Variants in LRRC4C observed in about 807,000 individuals in gnomAD.
LRRC4C encodes leucine rich repeat containing 4C, also known as leucine-rich repeat-containing protein 4C.
In LRRC4C, 5 loss-of-function variants were observed where a neutral mutation model predicts 33.6. The observed-to-expected ratio is 0.15, with a 90% CI of 0.08 to 0.31. The LOEUF (loss-of-function observed/expected upper bound fraction) is 0.31, where lower values mean the gene tolerates loss of function less well. LRRC4C is among the 10% of genes least tolerant of loss of function. The pLI is 1.00. For synonymous variants in LRRC4C, 329 were observed against 302.0 expected, an observed-to-expected ratio of 1.09 and a Z score of -0.93; for missense variants, 560 against 796.7, an observed-to-expected ratio of 0.70 and a Z score of 3.58.
chr11:40,285,875 G>T (rs7120734), intron 4 of LRRC4C, among the ~76,000 whole-genome samples: 4,737 of 152,174 alleles, frequency 0.031, 88 homozygotes, highest in South Asian at 0.08. Context: ...CAGCAGATAC[G>T]CAGTTCCTAT....
At chr11:41,130,755 A>G (rs1419136602) in intron 1 of LRRC4C, among the ~76,000 whole-genome samples, 1 of 151,960 alleles carries the variant, frequency 6.6e-6, no homozygotes, top group Non-Finnish European at 1.5e-5. Flanking sequence ...ATTTTTTGCA[A>G]TATTAGAGTA....
intron 5 of LRRC4C, among the ~76,000 whole-genome samples, chr11:40,160,368 G>A (rs1419723035): frequency 4.6e-5 from 7 of 152,004 alleles, no homozygotes; most frequent in Admixed American, 6.6e-5. Flanking sequence ...AGAAGGATCC[G>A]GTACCTCATC....
chr11:40,291,071 T>G (rs565201283), intron 4 of LRRC4C, among the ~76,000 whole-genome samples: 1 of 152,228 alleles, frequency 6.6e-6, no homozygotes, highest in East Asian at 1.9e-4. Context: ...TCAGTTTCCT[T>G]TTTTTATTGA....
rs367747099 is a variant in LRRC4C, at chr11:40,891,755, T to C, written c.-407+41880A>G. On this transcript the variant is annotated intron_variant, in intron 2 of 6. Transcript: ENST00000528697. The stretch of plus-strand genomic sequence containing the variant: ...TATCCAAAAGAAAGACACTAATGAA[T>C]AGTGGTGAATATGTGGAGAAAGGGA... 3.3e-5 allele frequency among the ~76,000 whole-genome samples: 5 copies of C among 152,114 alleles called. 1 individual carries two copies. The East Asian group carries it at 5.8e-4, about 18-fold the overall frequency.
intron 3 of LRRC4C, among the ~76,000 whole-genome samples, chr11:40,444,958 C>G (rs1157989144): frequency 6.6e-6 from 1 of 152,180 alleles, no homozygotes; most frequent in Non-Finnish European, 1.5e-5. Flanking sequence ...CTCCTCTCTT[C>G]AATACATTTC....
intron 3 of LRRC4C, among the ~76,000 whole-genome samples, chr11:40,545,431 TA>T (rs1229947500): frequency 6.6e-6 from 1 of 151,982 alleles, no homozygotes; most frequent in Non-Finnish European, 1.5e-5. Flanking sequence ...CTATAATTTA[TA>T]AAAATATAAT....
At chr11:40,758,511 G>C (rs926936454) in intron 2 of LRRC4C, among the ~76,000 whole-genome samples, 1 of 151,988 alleles carries the variant, frequency 6.6e-6, no homozygotes, top group Non-Finnish European at 1.5e-5. Context: ...GAAAGGTTTT[G>C]TTGATTTGTT....
rs77553438 is a variant in LRRC4C at position 40,400,958 on chromosome 11, T to A, written c.-269-81237A>T. On this transcript the variant is annotated intron_variant, in intron 3 of 6. Coordinates refer to ENST00000528697, the MANE Select transcript of LRRC4C (RefSeq NM_001258419.2). ...TCCATGAGGATAAGTGTAATGACTA[T>A]CTTGTTTAATTTTATATCACCATTA... Among the ~76,000 whole-genome samples, 51 of 152,270 alleles carry A rather than the reference T, an allele frequency of 3.3e-4. No homozygotes were observed. The East Asian group carries it at 8.9e-3, about 27-fold the overall frequency.
intron 4 of LRRC4C, among the ~76,000 whole-genome samples, chr11:40,251,762 T>A (rs553409233): frequency 1.4e-4 from 21 of 152,324 alleles, no homozygotes; most frequent in African/African-American, 5.1e-4. Flanking sequence ...TATGCCATGC[T>A]TTACACAAAT....
intron 1 of LRRC4C, among the ~76,000 whole-genome samples, chr11:40,961,664 A>C (rs1054441514): frequency 6.6e-6 from 1 of 151,700 alleles, no homozygotes; most frequent in South Asian, 2.1e-4. Flanking sequence ...TTTCAGCACG[A>C]AAGTTCATCA....
At chr11:40,728,021 T>TGACA (rs1388712320) in intron 2 of LRRC4C, among the ~76,000 whole-genome samples, 1 of 151,630 alleles carries the variant, frequency 6.6e-6, no homozygotes, top group African/African-American at 2.4e-5. Flanking sequence ...CCAGCCTGGG[T>TGACA]GACAGAGTGA....
In LRRC4C at chr11:40,476,338, T is replaced by TC. The variant is rs1484156927; in HGVS notation, c.-269-156618dup. ...AAAACTAATGAGTGCACATTTTTTTTCTTCTTTTTTTTTTTTTTTTTTTTT... is the reference window on the plus strand; with the variant it reads ...AAAACTAATGAGTGCACATTTTTTTTCCTTCTTTTTTTTTTTTTTTTTTTTT... On this transcript the variant is annotated intron_variant, in intron 3 of 6. Transcript: ENST00000528697. Among the ~76,000 whole-genome samples the TC allele has an allele frequency of 9.8e-5, 10 of 102,212 alleles. No individual in the cohort carries two copies. In the South Asian group the frequency reaches 1.7e-3, roughly 17 times the overall value. 67.1% of individuals were successfully genotyped at this position (102,212 alleles called of 152,430 possible).
rs78387858 is a variant in LRRC4C, at chr11:41,243,042, C to T, written c.-496+216389G>A. 9.2e-3 allele frequency among the ~76,000 whole-genome samples: 1,401 copies of T among 152,190 alleles called. 20 individuals carry two copies. The highest frequency in any genetic ancestry group is 0.031 in the African/African-American group (1,305 of 41,534). On this transcript the variant is annotated intron_variant, in intron 1 of 6. Coordinates refer to ENST00000528697, the MANE Select transcript of LRRC4C (RefSeq NM_001258419.2). ...AGCACATTCCGTCAAAAATTATGAC[C>T]CTCTGTTAAACTCCGAAGTGTCTTC...
intron 1 of LRRC4C, among the ~76,000 whole-genome samples, chr11:41,249,854 C>T (rs1040130295): frequency 9.9e-5 from 15 of 152,150 alleles, no homozygotes; most frequent in Admixed American, 2.6e-4. Flanking sequence ...TTGTCACTGG[C>T]TATCTTCCCC....
chr11:40,169,384 G>T (rs1184119589), intron 5 of LRRC4C, among the ~76,000 whole-genome samples: 2 of 152,108 alleles, frequency 1.3e-5, no homozygotes, highest in Non-Finnish European at 2.9e-5. Flanking sequence ...CAGCCCAGGG[G>T]TTCAATTCTT....
intron 1 of LRRC4C, among the ~76,000 whole-genome samples, chr11:41,079,785 A>AT (rs1939429051): frequency 2.0e-5 from 3 of 151,972 alleles, no homozygotes; most frequent in East Asian, 1.9e-4. Flanking sequence ...TTTTTTTGTG[A>AT]TTTTTTAAAG....
At chr11:40,452,504 T>C (rs1001030519) in intron 3 of LRRC4C, among the ~76,000 whole-genome samples, 4 of 152,256 alleles carry the variant, frequency 2.6e-5, no homozygotes, top group African/African-American at 7.2e-5. Flanking sequence ...CCAGTTAGAA[T>C]GGTGATCATT....
At chr11:40,230,984 C>G (rs890508326) in intron 5 of LRRC4C, among the ~76,000 whole-genome samples, 4 of 152,154 alleles carry the variant, frequency 2.6e-5, no homozygotes, top group African/African-American at 9.7e-5. Flanking sequence ...CATTTCTCAT[C>G]AGACTGTAAG....
intron 3 of LRRC4C, among the ~76,000 whole-genome samples, chr11:40,567,353 C>A (rs578031728): frequency 2.0e-5 from 3 of 152,186 alleles, no homozygotes; most frequent in Non-Finnish European, 4.4e-5. Context: ...GCAATGCAAG[C>A]CAGGCAAAGA....
Sources: gnomAD v4.1 joint callset for allele counts (sites outside exome capture counted in the v4.1 genomes callset) on GRCh38, gnomAD v4.1.1 for gene constraint, MANE v1.5 for transcripts, NCBI Gene and HGNC (gene_info 2026-07-23, HGNC 2026-07-21) for gene names.